The following SLIT1 variants were observed in gnomAD, a reference collection of about 807,000 sequenced individuals.
SLIT1 encodes the protein slit homolog 1 protein.
Under a neutral mutation model 186.1 loss-of-function variants are expected in SLIT1, and 66 were observed. That is an observed-to-expected ratio of 0.35 (90% CI 0.29 to 0.44). The LOEUF (loss-of-function observed/expected upper bound fraction) is 0.44. SLIT1 is among the 20% of genes least tolerant of loss of function. SLIT1 has a pLI of 1.00. For missense variants in SLIT1, 1,638 were observed against 2,037.4 expected (o/e 0.80, Z 3.77); for synonymous variants, 761 against 833.8 (o/e 0.91, Z 1.50).
Position 97,157,880 on chromosome 10 carries a change from G to A in SLIT1, c.351C>T (p.Asn117=), listed in dbSNP as rs546758757. 1 of 1,613,502 alleles carries A rather than the reference G, an allele frequency of 6.2e-7. No individual in the cohort carries two copies. Among genetic ancestry groups the A allele is most frequent in the African/African-American group, 1.3e-5 (1 of 75,034 alleles). Residue 117 remains asparagine, a synonymous_variant, in exon 4 of 37, where the codon AAC becomes AAT. Coordinates refer to ENST00000266058, the MANE Select transcript of SLIT1 (RefSeq NM_003061.3). ...DMKELERLRL[N]RNQLHMLPEL... ...CCGGTAACATGTGCAGCTGGTTTCG[G>A]TTCAGTCGCCTATAAAAGAGAAGAA... is the stretch of plus-strand genomic sequence containing the variant.
intron 4 of SLIT1, among the ~76,000 whole-genome samples, chr10:97,119,323 C>A (rs1849537530): frequency 6.6e-6 from 1 of 152,174 alleles, no homozygotes; most frequent in Admixed American, 6.5e-5. Flanking sequence ...GGGTTTATTT[C>A]TCTTTTAATG....
intron 28 of SLIT1, among the ~76,000 whole-genome samples, chr10:97,015,178 C>T (rs2134595401): frequency 6.6e-6 from 1 of 152,360 alleles, no homozygotes; most frequent in East Asian, 1.9e-4. Flanking sequence ...AAGGTGGCAT[C>T]TGTCCCAGCC....
intron 4 of SLIT1, among the ~76,000 whole-genome samples, chr10:97,140,557 G>A (rs752937652): frequency 1.3e-5 from 2 of 152,112 alleles, no homozygotes; most frequent in Non-Finnish European, 2.9e-5. Flanking sequence ...GTATTCAGTC[G>A]ATACCTTCCT....
intron 4 of SLIT1, among the ~76,000 whole-genome samples, chr10:97,130,914 T>A (rs1368537458): frequency 2.6e-5 from 4 of 152,190 alleles, no homozygotes; most frequent in African/African-American, 9.7e-5. Context: ...TCCCTAGATT[T>A]TCTCAGGGAA....
chr10:97,050,635 C>G (rs978245959), intron 13 of SLIT1, among the ~76,000 whole-genome samples: 16 of 152,150 alleles, frequency 1.1e-4, no homozygotes, highest in Non-Finnish European at 1.9e-4. Flanking sequence ...TTAAAACATA[C>G]CAGGATTTAA....
intron 4 of SLIT1, among the ~76,000 whole-genome samples, chr10:97,106,746 G>A (rs1389156677): frequency 4.6e-5 from 7 of 151,756 alleles, no homozygotes; most frequent in East Asian, 1.9e-4. Flanking sequence ...GTGCTGCGCC[G>A]CTCTACCCCT....
At position 97,063,591 on chromosome 10, in the gene SLIT1, G is replaced by A. The variant is rs373349775; in HGVS notation, c.657C>T (p.Cys219=). Reference sequence around the variant, plus strand: ...GCGAGAGCCAGGCCAGGTGGCAGTCGCAAAACAGGTGGTTGGAGTGCAGGC... The same window carrying A: ...GCGAGAGCCAGGCCAGGTGGCAGTCACAAAACAGGTGGTTGGAGTGCAGGC... The part of the protein sequence containing the change: ...TFRLHSNHLF[C]DCHLAWLSQW... Residue 219 remains cysteine (C), a synonymous_variant, in exon 8 of 37, where the codon TGC becomes TGT. Transcript: ENST00000266058. 70 of 1,611,406 alleles carry A rather than the reference G, an allele frequency of 4.3e-5. 1 individual carries two copies. Among genetic ancestry groups the A allele is most frequent in the Middle Eastern group, 3.4e-4 (2 of 5,912 alleles).
intron 12 of SLIT1, 132 bp from the exon 13 acceptor site, chr10:97,056,596 T>A (rs888209288): frequency 3.1e-5 from 29 of 943,922 alleles, no homozygotes; most frequent in Non-Finnish European, 4.6e-5. Flanking sequence ...GCCCAGGGAA[T>A]CTGCCCTCTG....
intron 11 of SLIT1, chr10:97,057,826 CA>C (rs1399519983): frequency 1.8e-6 from 1 of 544,540 alleles, no homozygotes; most frequent in Non-Finnish European, 3.4e-6. Context: ...TTTAAAAAAA[CA>C]AAAGTTCAAA....
At chr10:97,073,413 G>A (rs941031819) in intron 4 of SLIT1, among the ~76,000 whole-genome samples, 2 of 152,204 alleles carry the variant, frequency 1.3e-5, no homozygotes, top group Admixed American at 1.3e-4. Context: ...TCCTGGAAGC[G>A]GGCGGGATCT....
chr10:97,157,488 T>A (rs1849966836), intron 4 of SLIT1: 1 of 321,926 alleles, frequency 3.1e-6, no homozygotes, highest in Admixed American at 4.6e-5. Flanking sequence ...CGCAGTGAGA[T>A]GGGTAAGAAT....
At chr10:97,127,018 C>T (rs1019435380) in intron 4 of SLIT1, among the ~76,000 whole-genome samples, 4 of 152,230 alleles carry the variant, frequency 2.6e-5, no homozygotes, top group Admixed American at 1.3e-4. Flanking sequence ...AGGCTGGGCA[C>T]GGTGGCTCAT....
intron 25 of SLIT1, among the ~76,000 whole-genome samples, chr10:97,030,203 AAG>A (rs775657998): frequency 1.3e-5 from 2 of 152,198 alleles, no homozygotes; most frequent in Non-Finnish European, 2.9e-5. Flanking sequence ...CACTGCTTTT[AAG>A]GAATTCTCAT....
At chr10:97,126,197 C>G (rs1849602240) in intron 4 of SLIT1, among the ~76,000 whole-genome samples, 2 of 152,180 alleles carry the variant, frequency 1.3e-5, no homozygotes, top group Non-Finnish European at 2.9e-5. Context: ...GTTTCGCTTA[C>G]ACAGAAAGCA....
intron 4 of SLIT1, among the ~76,000 whole-genome samples, chr10:97,120,968 C>T (rs1849555515): frequency 6.6e-6 from 1 of 152,098 alleles, no homozygotes; most frequent in Non-Finnish European, 1.5e-5. Flanking sequence ...ATTACCTGGA[C>T]CGCCTTCTCT....
chr10:97,089,917 C>A (rs866278548), intron 4 of SLIT1, among the ~76,000 whole-genome samples: 1 of 152,178 alleles, frequency 6.6e-6, no homozygotes, highest in Admixed American at 6.5e-5. Flanking sequence ...CTAACATCTC[C>A]GTGCCTCTCT....
At chr10:97,113,630 G>T (rs1312374286) in intron 4 of SLIT1, among the ~76,000 whole-genome samples, 2 of 151,152 alleles carry the variant, frequency 1.3e-5, no homozygotes, top group African/African-American at 4.9e-5. Context: ...TTAGCTCACT[G>T]CAACCTCCGC....
rs374864653 is a variant in SLIT1 at position 97,004,289 on chromosome 10, C to T, written c.3711-67G>A. ...AGTCTGGACCATCCCTGCCTGGGCACTTCCCCAGAAACACCAGTAGCTGCT... is the reference window on the plus strand; with the variant it reads ...AGTCTGGACCATCCCTGCCTGGGCATTTCCCCAGAAACACCAGTAGCTGCT... On this transcript the variant is annotated intron_variant, in intron 33 of 36. Coordinates refer to ENST00000266058, the MANE Select transcript of SLIT1 (RefSeq NM_003061.3). The surrounding 1 kb of genome is among the most constrained non-coding windows in gnomAD (Gnocchi z 5.1). The T allele has an allele frequency of 9.3e-6, 14 of 1,508,832 alleles. No homozygotes were observed. In the African/African-American group the frequency reaches 1.8e-4, roughly 19 times the overall value. 93.5% of individuals were successfully genotyped at this position (1,508,832 alleles called of 1,614,324 possible). A position where few individuals can be genotyped will look rare whatever the true frequency, so the allele number is the denominator to read the frequency against.
chr10:97,129,545 C>T (rs886420530), intron 4 of SLIT1, among the ~76,000 whole-genome samples: 1 of 152,172 alleles, frequency 6.6e-6, no homozygotes, highest in Non-Finnish European at 1.5e-5. Flanking sequence ...GAGCATCTAG[C>T]GCAACTCCTT....
Sources: allele counts gnomAD v4.1 joint callset (sites outside exome capture counted in the v4.1 genomes callset), GRCh38; gene constraint gnomAD v4.1.1; non-coding constraint Gnocchi (gnomAD v3.1); transcripts MANE v1.5; gene names NCBI Gene and HGNC (gene_info 2026-07-23, HGNC 2026-07-21).